The following ZC3H11A variants were observed in gnomAD, a reference collection of about 807,000 sequenced individuals.
ZC3H11A encodes zinc finger CCCH-type containing 11A.
In ZC3H11A, 22 loss-of-function variants were observed where a neutral mutation model predicts 90.8. The observed-to-expected ratio is 0.24, with a 90% CI of 0.17 to 0.35. ZC3H11A has a LOEUF of 0.35. ZC3H11A is among the 10% of genes least tolerant of loss of function. ZC3H11A has a pLI of 1.00. For missense variants in ZC3H11A, 701 were observed against 964.9 expected, an observed-to-expected ratio of 0.73 and a Z score of 3.62; for synonymous variants, 294 against 339.8, an observed-to-expected ratio of 0.87 and a Z score of 1.48.
chr1:203,824,200 G>A (rs1420904517), intron 4 of ZC3H11A, among the ~76,000 whole-genome samples: 1 of 151,144 alleles, frequency 6.6e-6, no homozygotes, highest in African/African-American at 2.4e-5. Flanking sequence ...CCTGGGAGGT[G>A]GAGATTGCAG....
chr1:203,846,017 C>T (rs1410560030), intron 12 of ZC3H11A, among the ~76,000 whole-genome samples: 3 of 150,340 alleles, frequency 2.0e-5, no homozygotes, highest in Non-Finnish European at 4.4e-5. Flanking sequence ...TGGCTCACAC[C>T]TGTAATCCCA....
At chr1:203,820,769 GC>G (rs1203309581) in intron 4 of ZC3H11A, among the ~76,000 whole-genome samples, 1 of 151,940 alleles carries the variant, frequency 6.6e-6, no homozygotes, top group Non-Finnish European at 1.5e-5. Context: ...TGTGAGCCAC[GC>G]CCGGCGAATG....
At chr1:203,816,335 G>A (rs1488731032) in intron 2 of ZC3H11A, among the ~76,000 whole-genome samples, 2 of 152,138 alleles carry the variant, frequency 1.3e-5, no homozygotes, top group African/African-American at 4.8e-5. Flanking sequence ...TATGTATAAT[G>A]TAGATCAGGC....
At chr1:203,821,538 A>C (rs1678695459) in intron 4 of ZC3H11A, among the ~76,000 whole-genome samples, 1 of 152,056 alleles carries the variant, frequency 6.6e-6, no homozygotes, top group African/African-American at 2.4e-5. Flanking sequence ...TTTTGGCCTG[A>C]CAAGATTTTC....
intron 2 of ZC3H11A, among the ~76,000 whole-genome samples, chr1:203,814,460 G>T (rs952529930): frequency 2.6e-5 from 4 of 152,060 alleles, no homozygotes; most frequent in Admixed American, 2.6e-4. Context: ...GGAGGCAGAG[G>T]TTGCAGTGAG....
intron 9 of ZC3H11A, among the ~76,000 whole-genome samples, chr1:203,833,303 T>G (rs1011675195): frequency 1.4e-5 from 2 of 148,078 alleles, no homozygotes; most frequent in African/African-American, 5.0e-5. Flanking sequence ...AGGTGGAGGT[T>G]GCAGTGAGCC....
At chr1:203,817,152 C>A in intron 3 of ZC3H11A, 28 bp downstream of exon 3, 1 of 1,559,830 alleles carries the variant, frequency 6.4e-7, no homozygotes, top group Non-Finnish European at 8.7e-7. Context: ...TAAATCAGTT[C>A]TTTCTACAAT....
rs967378448 is a variant in ZC3H11A at position 203,829,973 on chromosome 1, T to C, written c.619+77T>C. The C allele has an allele frequency of 2.8e-6, 4 of 1,422,492 alleles. No homozygotes were observed. The African/African-American group carries it at 5.7e-5, about 20-fold the overall frequency. 88.1% of individuals were successfully genotyped at this position (1,422,492 alleles called of 1,614,324 possible). ...GAAATTTAGTTCACAATCATTGACC[T>C]CCCTCTTCTTTTTCCCATGCTACAC... On this transcript the variant is annotated intron_variant, in intron 7 of 17. Coordinates refer to ENST00000367210, the MANE Select transcript of ZC3H11A (RefSeq NM_001376342.1).
intron 3 of ZC3H11A, among the ~76,000 whole-genome samples, chr1:203,817,351 A>G (rs917769857): frequency 6.6e-6 from 1 of 152,112 alleles, no homozygotes; most frequent in African/African-American, 2.4e-5. Context: ...GTGAAAAGGC[A>G]CGTGGCATGT....
intron 4 of ZC3H11A, among the ~76,000 whole-genome samples, chr1:203,821,810 T>G (rs1678801941): frequency 6.6e-6 from 1 of 151,554 alleles, no homozygotes; most frequent in African/African-American, 2.4e-5. Context: ...CAGGCTGGAG[T>G]GCAGTGGCGC....
At chr1:203,818,043 G>A (rs34947501) in intron 3 of ZC3H11A, among the ~76,000 whole-genome samples, 16,161 of 152,028 alleles carry the variant, frequency 0.11, 1,274 homozygotes, top group Non-Finnish European at 0.15. Context: ...CCCCACGCCC[G>A]GTGATATTAT....
chr1:203,845,745 G>C (rs1046874914), intron 12 of ZC3H11A, among the ~76,000 whole-genome samples: 4 of 152,004 alleles, frequency 2.6e-5, no homozygotes, highest in African/African-American at 9.7e-5. Flanking sequence ...GGCACCTGTA[G>C]GCCCAGCTAC....
chr1:203,823,521 AG>A (rs1466839139), intron 4 of ZC3H11A, among the ~76,000 whole-genome samples: 1 of 152,258 alleles, frequency 6.6e-6, no homozygotes, highest in Non-Finnish European at 1.5e-5. Context: ...TTGTACAAAC[AG>A]TCTAGGCATA....
At chr1:203,841,415 T>C (rs986800711) in intron 12 of ZC3H11A, among the ~76,000 whole-genome samples, 5 of 152,162 alleles carry the variant, frequency 3.3e-5, no homozygotes, top group African/African-American at 1.2e-4. Context: ...GCACCGCCCT[T>C]AATCAATTTA....
chr1:203,833,984 C>G (rs1193662427), intron 10 of ZC3H11A, 131 bp downstream of exon 10: 1 of 1,372,008 alleles, frequency 7.3e-7, no homozygotes, highest in African/African-American at 1.5e-5. Context: ...CTTATAAATT[C>G]CTCATGTTTT....
At chr1:203,807,269 T>TTTA (rs1159649627) in intron 2 of ZC3H11A, among the ~76,000 whole-genome samples, 1 of 152,178 alleles carries the variant, frequency 6.6e-6, no homozygotes, top group East Asian at 1.9e-4. Flanking sequence ...AAGCAGCTGT[T>TTTA]TTAAACATTT....
chr1:203,847,541 A>C lies in ZC3H11A; in HGVS notation c.1400A>C (p.Gln467Pro). Residue 467 changes from glutamine to proline, a missense_variant, in exon 13 of 18, where the codon CAG becomes CCG. Around this residue, in one of 4 missense-constraint regions of ZC3H11A, gnomAD observed 530 missense variants for 696.2 expected, o/e 0.76. Coordinates refer to ENST00000367210, the MANE Select transcript of ZC3H11A (RefSeq NM_001376342.1). ...EEPAGKTKSMQEVHIKTLEEI... is the reference protein window; with the variant it reads ...EEPAGKTKSMPEVHIKTLEEI... ...CCTGCAGGTAAAACAAAGTCTATGC[A>C]GGAGGTGCACATCAAGACGCTGGAA... 1 of 1,614,008 alleles carries C rather than the reference A, an allele frequency of 6.2e-7. No homozygotes were observed. Among genetic ancestry groups the C allele is most frequent in the Non-Finnish European group, 8.5e-7 (1 of 1,179,882 alleles).
intron 2 of ZC3H11A, among the ~76,000 whole-genome samples, chr1:203,803,963 A>G (rs909200542): frequency 6.6e-6 from 1 of 151,888 alleles, no homozygotes; most frequent in African/African-American, 2.4e-5. Flanking sequence ...CCAGTAATAA[A>G]CTCTAATTGG....
At chr1:203,850,831 T>TA (rs1254039998) in intron 16 of ZC3H11A, 150 bp downstream of exon 16, 3 of 1,248,038 alleles carry the variant, frequency 2.4e-6, no homozygotes, top group East Asian at 5.0e-5. Flanking sequence ...ATTTTATACT[T>TA]ACAGTTTGAT....
Sources: gnomAD v4.1 joint callset for allele counts (sites outside exome capture counted in the v4.1 genomes callset) on GRCh38, gnomAD v4.1.1 for gene constraint, gnomAD v4.1.1 regional missense constraint, MANE v1.5 for transcripts, NCBI Gene and HGNC (gene_info 2026-07-23, HGNC 2026-07-21) for gene names.